OSBPL2: variants seen among roughly 807,000 people sequenced by gnomAD.
OSBPL2 encodes oxysterol-binding protein-related protein 2.
In OSBPL2, 18 loss-of-function variants were observed where a neutral mutation model predicts 58.4. The observed-to-expected ratio is 0.31, with a 90% CI of 0.21 to 0.46. The LOEUF (loss-of-function observed/expected upper bound fraction) is 0.46, where lower values mean the gene tolerates loss of function less well. OSBPL2 is among the 20% of genes least tolerant of loss of function. The pLI, the probability that OSBPL2 is intolerant of heterozygous loss-of-function variation, is 1.00. For synonymous variants in OSBPL2, 221 were observed against 234.1 expected (o/e 0.94, Z 0.51); for missense variants, 461 against 616.5 (o/e 0.75, Z 2.67).
chr20:62,248,002 A>T (rs1243760195), intron 1 of OSBPL2, among the ~76,000 whole-genome samples: 1 of 151,982 alleles, frequency 6.6e-6, no homozygotes, highest in Non-Finnish European at 1.5e-5. Flanking sequence ...ATCGTTGTTA[A>T]TAGTGGGAAC....
chr20:62,239,407 C>G (rs1258799345), intron 1 of OSBPL2, among the ~76,000 whole-genome samples: 1 of 152,216 alleles, frequency 6.6e-6, no homozygotes. Context: ...CCTCAGCCTC[C>G]CCGCTTCATG....
chr20:62,294,437 A>AT lies in OSBPL2; in HGVS notation c.*556dup, dbSNP rs1162294059. On this transcript the variant is annotated 3_prime_UTR_variant, in exon 14 of 14. Transcript: ENST00000313733. ...TGAGTGAAAAGTTGTCAGATTCTGTATTTTTTAACAATCTTCAATAATGTA... is the reference window on the plus strand; with the variant it reads ...TGAGTGAAAAGTTGTCAGATTCTGTATTTTTTTAACAATCTTCAATAATGTA... 2.6e-5 allele frequency: 4 copies of AT among 153,732 alleles called. No homozygotes were observed. Among genetic ancestry groups the AT allele is most frequent in the East Asian group, 1.9e-4 (1 of 5,198 alleles). The allele number at this position is 153,732 out of a possible 1,614,324, so 9.5% of individuals were successfully genotyped here. A position where few individuals can be genotyped will look rare whatever the true frequency, so the allele number is the denominator to read the frequency against.
intron 13 of OSBPL2, among the ~76,000 whole-genome samples, chr20:62,293,193 A>AT (rs949187876): frequency 1.5e-4 from 23 of 151,462 alleles, no homozygotes; most frequent in Non-Finnish European, 2.8e-4. Flanking sequence ...TGTTAAAAAA[A>AT]ATATACTGTG....
At chr20:62,248,721 T>C (rs1980323043) in intron 1 of OSBPL2, among the ~76,000 whole-genome samples, 1 of 150,914 alleles carries the variant, frequency 6.6e-6, no homozygotes, top group South Asian at 2.1e-4. Flanking sequence ...GACAGGGTCT[T>C]GTTCTGTTGC....
At chr20:62,241,923 C>T (rs140796579) in intron 1 of OSBPL2, among the ~76,000 whole-genome samples, 9 of 152,198 alleles carry the variant, frequency 5.9e-5, no homozygotes, top group Admixed American at 2.0e-4. Context: ...TTGTCAGGTA[C>T]GAGGTTTAAT....
At chr20:62,239,006 C>G (rs1266350782) in intron 1 of OSBPL2, 1 of 152,074 alleles carries the variant, frequency 6.6e-6, no homozygotes, top group Non-Finnish European at 1.5e-5. Context: ...GCCTCGCCCT[C>G]TCTCACCACC....
chr20:62,249,542 C>T (rs1370102409), intron 1 of OSBPL2, among the ~76,000 whole-genome samples: 3 of 152,148 alleles, frequency 2.0e-5, no homozygotes, highest in Non-Finnish European at 4.4e-5. Context: ...TGAAGCCTAA[C>T]TTTTGCTTTT....
chr20:62,243,158 G>A (rs756953492), intron 1 of OSBPL2, among the ~76,000 whole-genome samples: 6 of 152,202 alleles, frequency 3.9e-5, no homozygotes, highest in Non-Finnish European at 7.3e-5. Context: ...TGTCAGGTGC[G>A]CACAGGGCGT....
At chr20:62,266,647 C>T (rs1202547122) in intron 4 of OSBPL2, among the ~76,000 whole-genome samples, 2 of 152,164 alleles carry the variant, frequency 1.3e-5, no homozygotes, top group Non-Finnish European at 2.9e-5. Flanking sequence ...GGCTGTGGCT[C>T]TTTCTGTTTG....
rs1408333354 is a variant in OSBPL2 at position 62,269,386 on chromosome 20, G to A, written c.259-2739G>A. Among the ~76,000 whole-genome samples, 1 of 152,182 alleles carries A rather than the reference G, an allele frequency of 6.6e-6. No homozygotes were observed. Among genetic ancestry groups the A allele is most frequent in the Non-Finnish European group, 1.5e-5 (1 of 68,042 alleles). The stretch of plus-strand genomic sequence containing the variant: ...TGTGGGATAGGTTCCTAGAAGTGGG[G>A]CTGCTGGGTCAGGGGCAAATACCCG... On this transcript the variant is annotated intron_variant, in intron 4 of 13. Transcript: ENST00000313733. This position sits in a 1 kb window ranked among gnomAD's most constrained non-coding sequence, Gnocchi z 4.2.
intron 4 of OSBPL2, chr20:62,264,676 C>G (rs1269479619): frequency 2.0e-5 from 3 of 152,178 alleles, no homozygotes; most frequent in African/African-American, 7.2e-5. Flanking sequence ...GTAGACCCAC[C>G]ACCCAGCTCC....
chr20:62,286,411 T>TTGC, intron 10 of OSBPL2, 172 bp from the exon 11 acceptor site: 1 of 665,396 alleles, frequency 1.5e-6, no homozygotes, highest in Non-Finnish European at 2.6e-6. Context: ...GATCGCACCA[T>TTGC]TGCACTCCAG....
In OSBPL2 at chr20:62,295,508, G is replaced by A. The variant is rs1365979938; in HGVS notation, c.*1621G>A. ...TTTGAAAGCTTGATTTTGTAGCTTT[G>A]GAAGCTGGAAGCGATGGTGTTTGGT... On this transcript the variant is annotated 3_prime_UTR_variant, in exon 14 of 14. Transcript: ENST00000313733. The surrounding 1 kb of genome is among the most constrained non-coding windows in gnomAD (Gnocchi z 4.8). The A allele has an allele frequency of 6.6e-6, 1 of 152,194 alleles. No homozygotes were observed. The highest frequency in any genetic ancestry group is 1.5e-5 in the Non-Finnish European group (1 of 68,038). The allele number at this position is 152,194 out of a possible 1,614,324, so 9.4% of individuals were successfully genotyped here. A position where few individuals can be genotyped will look rare whatever the true frequency, so the allele number is the denominator to read the frequency against.
chr20:62,279,295 C>T lies in OSBPL2; in HGVS notation c.630C>T (p.Ser210=), dbSNP rs1197350779. The change falls in exon 7 of 14, where the codon AGC becomes AGT. Residue 210 remains serine (S), a synonymous_variant. Transcript: ENST00000313733. ...IYPKLKFWGK[S]VEAEPRGTIT... is the part of the protein sequence containing the mutation. The stretch of plus-strand genomic sequence containing the variant: ...CCAAGCTCAAGTTCTGGGGCAAAAG[C>T]GTGGAGGCGGAGCCCCGAGGCACCA... The T allele has an allele frequency of 1.9e-6, 3 of 1,614,120 alleles. No individual in the cohort carries two copies. Among genetic ancestry groups the T allele is most frequent in the Non-Finnish European group, 2.5e-6 (3 of 1,180,048 alleles).
intron 3 of OSBPL2, among the ~76,000 whole-genome samples, chr20:62,261,420 C>T (rs1025511750): frequency 6.6e-6 from 1 of 152,110 alleles, no homozygotes; most frequent in Non-Finnish European, 1.5e-5. Flanking sequence ...CAGGCACAGC[C>T]GCTAATGTGT....
Position 62,251,599 on chromosome 20 carries a change from G to T in OSBPL2, c.-128-4458G>T, listed in dbSNP as rs193108582. 4.3e-4 allele frequency among the ~76,000 whole-genome samples: 65 copies of T among 151,758 alleles called. 1 individual carries two copies. The highest frequency in any genetic ancestry group is 6.6e-4 in the Admixed American group (10 of 15,224). On this transcript the variant is annotated intron_variant, in intron 1 of 13. Coordinates refer to ENST00000313733, the MANE Select transcript of OSBPL2 (RefSeq NM_144498.4). Reference sequence around the variant, plus strand: ...AATTTTGTATTTTTAGTAGAGATGGGGTTTTTCCATGTTGGTCAGGCTGGT... The same window carrying T: ...AATTTTGTATTTTTAGTAGAGATGGTGTTTTTCCATGTTGGTCAGGCTGGT...
chr20:62,252,513 T>C (rs1473280285), intron 1 of OSBPL2, among the ~76,000 whole-genome samples: 2 of 152,018 alleles, frequency 1.3e-5, no homozygotes, highest in Non-Finnish European at 2.9e-5. Context: ...CCTTTTTCAA[T>C]GTGGTTGATT....
intron 2 of OSBPL2, among the ~76,000 whole-genome samples, 184 bp downstream of exon 2, chr20:62,256,405 T>C (rs763424244): frequency 2.0e-5 from 3 of 152,208 alleles, no homozygotes; most frequent in Non-Finnish European, 2.9e-5. Context: ...GGAAAAGCCT[T>C]GACTTTGGCT....
intron 1 of OSBPL2, among the ~76,000 whole-genome samples, chr20:62,239,590 C>T (rs1437850813): frequency 6.6e-6 from 1 of 152,182 alleles, no homozygotes; most frequent in Non-Finnish European, 1.5e-5. Context: ...GGGTCCCATT[C>T]GGTTTGGTTG....
Sources: gnomAD v4.1 joint callset for allele counts (sites outside exome capture counted in the v4.1 genomes callset) on GRCh38, gnomAD v4.1.1 for gene constraint, Gnocchi (gnomAD v3.1) non-coding constraint, MANE v1.5 for transcripts, NCBI Gene and HGNC (gene_info 2026-07-23, HGNC 2026-07-21) for gene names.